The following SI variants were observed in gnomAD, a reference collection of about 807,000 sequenced individuals.
SI encodes the protein sucrase-isomaltase.
SI carries 235 observed loss-of-function variants against 253.3 expected under a neutral mutation model. The observed-to-expected ratio is 0.93, with a 90% CI of 0.83 to 1.03. The LOEUF is 1.03. Among genes scored for constraint, SI ranks in the 50% least tolerant of loss-of-function variants. The pLI is 0.00. For missense variants in SI, 2,442 were observed against 2,211.1 expected (o/e 1.10, Z -2.09); for synonymous variants, 819 against 712.0 (o/e 1.15, Z -2.39).
intron 46 of SI, 102 bp from the exon 47 acceptor site, chr3:164,982,512 T>C: frequency 1.2e-6 from 1 of 830,014 alleles, no homozygotes; most frequent in Admixed American, 2.1e-5. Flanking sequence ...CGTAGTATAA[T>C]AAATTGTTTA....
At position 165,076,006 on chromosome 3, in the gene SI, T is replaced by C; in HGVS notation, c.7A>G (p.Arg3Gly). The C allele has an allele frequency of 6.3e-7, 1 of 1,576,306 alleles. No individual in the cohort carries two copies. Among genetic ancestry groups the C allele is most frequent in the Non-Finnish European group, 8.7e-7 (1 of 1,151,338 alleles). ...ATTTCCAATCCACTAAATTTCTTTC[T>C]TGCCATCTAAAAACAGAAAAGAATA... MA[R>G]KKFSGLEISL... The change falls in exon 2 of 48, where the codon AGA becomes GGA. Residue 3 changes from arginine (R) to glycine (G), a missense_variant. Transcript: ENST00000264382.
chr3:165,013,733 T>C (rs112444172), intron 33 of SI, among the ~76,000 whole-genome samples: 5 of 152,188 alleles, frequency 3.3e-5, no homozygotes, highest in African/African-American at 1.2e-4. Context: ...TAGCTGATGG[T>C]AGAGAATAGT....
chr3:165,067,260 CT>C, intron 6 of SI, 79 bp downstream of exon 6: 1 of 1,089,166 alleles, frequency 9.2e-7, no homozygotes, highest in Non-Finnish European at 1.3e-6. Context: ...TTTATTTCTA[CT>C]GAAAATGTCT....
At chr3:165,036,547 G>T in intron 21 of SI, 70 bp from the exon 22 acceptor site, 1 of 1,070,780 alleles carries the variant, frequency 9.3e-7, no homozygotes, top group Non-Finnish European at 1.4e-6. Context: ...CTATAAACAA[G>T]TCCACTTCAA....
chr3:165,022,572 A>AC (rs1576891304), intron 26 of SI, among the ~76,000 whole-genome samples: 1 of 69,212 alleles, frequency 1.4e-5, no homozygotes, highest in African/African-American at 4.7e-5. Context: ...CACACACACA[A>AC]TCTTCTATGC....
intron 24 of SI, among the ~76,000 whole-genome samples, chr3:165,031,401 G>A (rs1712236435): frequency 6.8e-6 from 1 of 147,976 alleles, no homozygotes; most frequent in Admixed American, 6.8e-5. Flanking sequence ...CATACAAATA[G>A]CCACAGATAG....
At chr3:164,988,956 C>G (rs185511546) in intron 44 of SI, among the ~76,000 whole-genome samples, 13 of 152,020 alleles carry the variant, frequency 8.6e-5, no homozygotes, top group Admixed American at 8.5e-4. Context: ...TCTGGGATAG[C>G]CTTCATCTTT....
In SI at chr3:165,002,133, T is replaced by TA. The variant is rs1412562524; in HGVS notation, c.4407-3461dup. ...TCCCTAACATCTTTAAAGCTTTTGG[T>TA]AAAAATGAAAATAATATATGTGTAG... On this transcript the variant is annotated intron_variant, in intron 37 of 47. Coordinates refer to ENST00000264382, the MANE Select transcript of SI (RefSeq NM_001041.4). Among the ~76,000 whole-genome samples the TA allele has an allele frequency of 3.3e-5, 5 of 151,746 alleles. No homozygotes were observed. The East Asian group carries it at 9.7e-4, about 29-fold the overall frequency.
intron 20 of SI, among the ~76,000 whole-genome samples, chr3:165,038,347 C>A (rs1481958255): frequency 6.6e-6 from 1 of 151,680 alleles, no homozygotes; most frequent in Non-Finnish European, 1.5e-5. Context: ...TTCTTAAAAT[C>A]ATTATTTCCG....
chr3:165,039,154 T>C lies in SI; in HGVS notation c.2245-20A>G. On this transcript the variant is annotated intron_variant, in intron 19 of 47. Coordinates refer to ENST00000264382, the MANE Select transcript of SI (RefSeq NM_001041.4). ...TGCTCCCTAAAATAAAGATAATATG[T>C]ATTTTTTAATTTCAATTTTTAACAA... 1 of 1,508,918 alleles carries C rather than the reference T, an allele frequency of 6.6e-7. No homozygotes were observed. 93.5% of individuals were successfully genotyped at this position (1,508,918 alleles called of 1,614,324 possible).
At chr3:165,022,954 A>T (rs1711706109) in intron 26 of SI, among the ~76,000 whole-genome samples, 1 of 151,532 alleles carries the variant, frequency 6.6e-6, no homozygotes, top group Non-Finnish European at 1.5e-5. Flanking sequence ...TACTCCACTT[A>T]GTCCTATAAT....
At chr3:165,039,240 G>T (rs972348009) in intron 19 of SI, 106 bp from the exon 20 acceptor site, 2 of 704,882 alleles carry the variant, frequency 2.8e-6, no homozygotes, top group Admixed American at 2.1e-5. Context: ...ACTTTATGTT[G>T]TTACACTCCA....
chr3:164,992,297 A>G lies in SI; in HGVS notation c.4926+16T>C, dbSNP rs1257206978. On this transcript the variant is annotated intron_variant, in intron 42 of 47. Coordinates refer to ENST00000264382, the MANE Select transcript of SI (RefSeq NM_001041.4). The stretch of plus-strand genomic sequence containing the variant: ...CAAAGAAAATTGTGTAAACAAAAAT[A>G]TGTGGTAGGACTTACAGGTTCCAGT... 1.2e-6 allele frequency: 2 copies of G among 1,612,194 alleles called. No individual in the cohort carries two copies. Among genetic ancestry groups the G allele is most frequent in the East Asian group, 4.5e-5 (2 of 44,808 alleles).
chr3:165,079,820 T>TA (rs1365001942), upstream of SI, among the ~76,000 whole-genome samples: 1 of 151,772 alleles, frequency 6.6e-6, no homozygotes, highest in Non-Finnish European at 1.5e-5. Context: ...AGTTGATAGA[T>TA]AGCTAGATTA....
chr3:165,031,750 A>G (rs1255913241), intron 24 of SI, among the ~76,000 whole-genome samples: 3 of 150,916 alleles, frequency 2.0e-5, no homozygotes, highest in Admixed American at 6.6e-5. Flanking sequence ...AGAAAAGATA[A>G]ATGACAAAAA....
At chr3:165,066,211 C>T (rs1433091456) in intron 6 of SI, among the ~76,000 whole-genome samples, 1 of 151,756 alleles carries the variant, frequency 6.6e-6, no homozygotes, top group African/African-American at 2.4e-5. Flanking sequence ...TTTAAGTATA[C>T]AAGAAGATGT....
chr3:165,086,641 A>G, the SI span, among the ~76,000 whole-genome samples: 1 of 152,222 alleles, frequency 6.6e-6, no homozygotes, highest in Non-Finnish European at 1.5e-5. Flanking sequence ...ACTCTTCAAA[A>G]TACAACTTTC....
At chr3:165,013,376 T>C (rs897236528) in intron 33 of SI, among the ~76,000 whole-genome samples, 3 of 152,084 alleles carry the variant, frequency 2.0e-5, no homozygotes, top group Admixed American at 6.6e-5. Flanking sequence ...ATATAGTATA[T>C]TAGAATTATT....
At chr3:165,063,260 C>T (rs965293408) in intron 8 of SI, among the ~76,000 whole-genome samples, 182 bp downstream of exon 8, 23 of 151,876 alleles carry the variant, frequency 1.5e-4, no homozygotes, top group Admixed American at 1.4e-3. Flanking sequence ...AAAATAGATG[C>T]GCTGGCATGC....
Sources: gnomAD v4.1 joint callset for allele counts (sites outside exome capture counted in the v4.1 genomes callset) on GRCh38, gnomAD v4.1.1 for gene constraint, MANE v1.5 for transcripts, NCBI Gene and HGNC (gene_info 2026-07-23, HGNC 2026-07-21) for gene names.